The following MMP16 variants were observed in gnomAD, a reference collection of about 807,000 sequenced individuals.
MMP16 encodes the protein matrix metallopeptidase 16, also known as matrix metalloproteinase-16.
MMP16 carries 12 observed loss-of-function variants against 67.8 expected under a neutral mutation model. The observed-to-expected ratio is 0.18, with a 90% CI of 0.11 to 0.29. MMP16 has a LOEUF of 0.29. Among genes scored for constraint, MMP16 ranks in the 10% least tolerant of loss-of-function variants. The probability of loss-of-function intolerance (pLI) is 1.00; values close to 1 mark genes in which losing one functional copy is unlikely to be tolerated. For missense variants in MMP16, 475 were observed against 765.7 expected (o/e 0.62, Z 4.48); for synonymous variants, 249 against 255.9 (o/e 0.97, Z 0.26).
intron 1 of MMP16, among the ~76,000 whole-genome samples, chr8:88,215,730 C>T (rs2129830444): frequency 6.6e-6 from 1 of 152,238 alleles, no homozygotes; most frequent in South Asian, 2.1e-4. Context: ...GTAGAGTTCA[C>T]CATCTCCTGT....
At chr8:88,164,753 G>A (rs912628260) in intron 4 of MMP16, among the ~76,000 whole-genome samples, 3 of 151,554 alleles carry the variant, frequency 2.0e-5, no homozygotes, top group African/African-American at 4.8e-5. Flanking sequence ...TTGGTCATTC[G>A]TCTATGCGTA....
chr8:88,184,367 T>C (rs1809032719), intron 3 of MMP16, among the ~76,000 whole-genome samples: 1 of 151,630 alleles, frequency 6.6e-6, no homozygotes, highest in South Asian at 2.1e-4. Flanking sequence ...ATTTTAGGCT[T>C]TCTATTCTGC....
At chr8:88,062,484 A>T (rs1808412139) in intron 7 of MMP16, among the ~76,000 whole-genome samples, 1 of 152,182 alleles carries the variant, frequency 6.6e-6, no homozygotes, top group South Asian at 2.1e-4. Flanking sequence ...GCCATAAAAA[A>T]GGATGAGTTC....
At position 88,327,411 on chromosome 8, in the gene MMP16, T is replaced by G; in HGVS notation, c.-205A>C. On this transcript the variant is annotated 5_prime_UTR_variant, in exon 1 of 10. Transcript: ENST00000286614. Reference sequence around the variant, plus strand: ...GCAGCGGCGAAGACAGGGTCAGCAGTAGTTCCTGTTCACCATCCTCCGGGG... The same window carrying G: ...GCAGCGGCGAAGACAGGGTCAGCAGGAGTTCCTGTTCACCATCCTCCGGGG... 1 of 552,578 alleles carries G rather than the reference T, an allele frequency of 1.8e-6. No homozygotes were observed. Among genetic ancestry groups the G allele is most frequent in the Non-Finnish European group, 3.2e-6 (1 of 309,592 alleles). The allele number at this position is 552,578 out of a possible 1,614,324, so 34.2% of individuals were successfully genotyped here.
At chr8:88,062,511 C>T (rs923734651) in intron 7 of MMP16, among the ~76,000 whole-genome samples, 28 of 152,042 alleles carry the variant, frequency 1.8e-4, no homozygotes, top group Admixed American at 1.4e-3. Context: ...TTTGTAGGGA[C>T]GTGGATGAAG....
At chr8:88,315,904 G>C (rs1586016582) in intron 1 of MMP16, among the ~76,000 whole-genome samples, 1 of 152,154 alleles carries the variant, frequency 6.6e-6, no homozygotes, top group African/African-American at 2.4e-5. Flanking sequence ...GTTTCTGAAA[G>C]AAATTAAAAG....
intron 1 of MMP16, among the ~76,000 whole-genome samples, chr8:88,244,968 C>T (rs576101083): frequency 1.3e-5 from 2 of 152,214 alleles, no homozygotes; most frequent in African/African-American, 4.8e-5. Flanking sequence ...CAGCAACTTC[C>T]TTCTGCACCA....
intron 6 of MMP16, among the ~76,000 whole-genome samples, chr8:88,084,720 C>T (rs1218261995): frequency 1.3e-5 from 2 of 151,896 alleles, no homozygotes; most frequent in African/African-American, 4.8e-5. Flanking sequence ...TTTATTCTTG[C>T]AACTTTTCTG....
chr8:88,226,218 AC>A (rs1809766995), intron 1 of MMP16, among the ~76,000 whole-genome samples: 1 of 152,010 alleles, frequency 6.6e-6, no homozygotes, highest in Non-Finnish European at 1.5e-5. Context: ...AGTGAGAATT[AC>A]TTTCTTAAAT....
intron 1 of MMP16, among the ~76,000 whole-genome samples, chr8:88,229,994 C>T (rs146166393): frequency 7.4e-4 from 113 of 152,190 alleles, no homozygotes; most frequent in African/African-American, 2.6e-3. Context: ...AATACAAATC[C>T]CCTTCTCATT....
At chr8:88,134,024 A>G (rs532878069) in intron 4 of MMP16, among the ~76,000 whole-genome samples, 2 of 151,960 alleles carry the variant, frequency 1.3e-5, no homozygotes, top group South Asian at 4.2e-4. Context: ...ATAACTAATT[A>G]GAGCCTCCAA....
intron 1 of MMP16, among the ~76,000 whole-genome samples, chr8:88,308,673 C>A (rs539896146): frequency 6.6e-6 from 1 of 152,148 alleles, no homozygotes; most frequent in East Asian, 1.9e-4. Context: ...ATCAAAGATT[C>A]ATGCACATAA....
At chr8:88,283,829 A>G (rs1193483078) in intron 1 of MMP16, among the ~76,000 whole-genome samples, 2 of 152,196 alleles carry the variant, frequency 1.3e-5, no homozygotes, top group Non-Finnish European at 2.9e-5. Flanking sequence ...TCTTCTGCTA[A>G]GAGAGGTAAC....
intron 8 of MMP16, among the ~76,000 whole-genome samples, chr8:88,052,924 A>C (rs1179624757): frequency 6.6e-6 from 1 of 152,134 alleles, no homozygotes; most frequent in Non-Finnish European, 1.5e-5. Context: ...CTCACTGTGA[A>C]AATTATCAGG....
intron 1 of MMP16, among the ~76,000 whole-genome samples, chr8:88,258,940 T>A (rs1468912430): frequency 6.6e-6 from 1 of 152,158 alleles, no homozygotes; most frequent in Non-Finnish European, 1.5e-5. Context: ...TACAACAACA[T>A]AATAATTTTG....
At chr8:88,173,958 G>C (rs1296559350) in intron 3 of MMP16, among the ~76,000 whole-genome samples, 2 of 152,130 alleles carry the variant, frequency 1.3e-5, no homozygotes, top group Non-Finnish European at 2.9e-5. Flanking sequence ...GGAAACACAA[G>C]TTGAGTTCTC....
At chr8:88,081,042 T>C (rs1477910) in intron 6 of MMP16, among the ~76,000 whole-genome samples, 4,164 of 152,142 alleles carry the variant, frequency 0.027, 74 homozygotes, top group Middle Eastern at 0.065. Context: ...GGGTAAACCT[T>C]GGTAGCGAGG....
chr8:88,205,494 C>T (rs1809412333), intron 1 of MMP16, among the ~76,000 whole-genome samples: 1 of 152,202 alleles, frequency 6.6e-6, no homozygotes, highest in African/African-American at 2.4e-5. Context: ...ATAACACTAA[C>T]TCCTACTTCT....
chr8:88,274,553 G>T (rs927644231), intron 1 of MMP16, among the ~76,000 whole-genome samples: 1 of 151,966 alleles, frequency 6.6e-6, no homozygotes, highest in African/African-American at 2.4e-5. Flanking sequence ...AAAAAGAAAT[G>T]CATTGAATAA....
Sources: allele counts gnomAD v4.1 joint callset (sites outside exome capture counted in the v4.1 genomes callset), GRCh38; gene constraint gnomAD v4.1.1; transcripts MANE v1.5; gene names NCBI Gene and HGNC (gene_info 2026-07-23, HGNC 2026-07-21).